Variants in LSAMP observed in about 807,000 individuals in gnomAD.
LSAMP encodes the protein limbic system associated membrane protein, also known as limbic system-associated membrane protein.
In LSAMP, 7 loss-of-function variants were observed where a neutral mutation model predicts 38.6. The observed-to-expected ratio is 0.18, with a 90% CI of 0.10 to 0.34. The LOEUF is 0.34. Among genes scored for constraint, LSAMP ranks in the 10% least tolerant of loss-of-function variants. LSAMP has a pLI of 1.00. For synonymous variants in LSAMP, 154 were observed against 166.8 expected (o/e 0.92, Z 0.59); for missense variants, 313 against 420.0 (o/e 0.75, Z 2.23).
intron 1 of LSAMP, among the ~76,000 whole-genome samples, chr3:116,317,152 C>A (rs1318796136): frequency 1.3e-5 from 2 of 152,094 alleles, no homozygotes; most frequent in East Asian, 1.9e-4. Flanking sequence ...CCACTCGAGT[C>A]CCCTTCCACG....
intron 6 of LSAMP, among the ~76,000 whole-genome samples, chr3:115,810,976 A>G (rs192028394): frequency 1.3e-5 from 2 of 152,352 alleles, no homozygotes; most frequent in Admixed American, 1.3e-4. Flanking sequence ...TTAGCAAGGG[A>G]GAAAATAAGT....
chr3:116,270,788 C>T (rs1418066794), intron 1 of LSAMP, among the ~76,000 whole-genome samples: 3 of 152,014 alleles, frequency 2.0e-5, no homozygotes, highest in African/African-American at 7.2e-5. Flanking sequence ...TCAAAGTAAA[C>T]CCAGGTTCTG....
At chr3:115,885,878 A>G (rs1456197206) in intron 3 of LSAMP, among the ~76,000 whole-genome samples, 1 of 151,952 alleles carries the variant, frequency 6.6e-6, no homozygotes, top group Non-Finnish European at 1.5e-5. Flanking sequence ...CCAAAACTAC[A>G]AAGTGAGTAC....
At chr3:116,315,065 A>T (rs536781829) in intron 1 of LSAMP, among the ~76,000 whole-genome samples, 1 of 152,296 alleles carries the variant, frequency 6.6e-6, no homozygotes, top group Non-Finnish European at 1.5e-5. Flanking sequence ...ATACTACAGG[A>T]TCATTACCTA....
intron 6 of LSAMP, among the ~76,000 whole-genome samples, chr3:115,822,953 G>A (rs184553229): frequency 1.6e-4 from 25 of 152,300 alleles, no homozygotes; most frequent in Admixed American, 1.4e-3. Context: ...TGCAGCCCTA[G>A]ACAGATGGTG....
chr3:116,315,994 G>A (rs899468713), intron 1 of LSAMP, among the ~76,000 whole-genome samples: 6 of 152,042 alleles, frequency 3.9e-5, no homozygotes, highest in Admixed American at 3.9e-4. Flanking sequence ...AAAAAGAGGG[G>A]GATTAAAACA....
At chr3:116,239,725 G>C (rs2046507985) in intron 1 of LSAMP, among the ~76,000 whole-genome samples, 1 of 152,050 alleles carries the variant, frequency 6.6e-6, no homozygotes, top group African/African-American at 2.4e-5. Flanking sequence ...CCATTAGTCA[G>C]GAAGTCTGTT....
chr3:116,358,460 C>T (rs1056663522), intron 1 of LSAMP, among the ~76,000 whole-genome samples: 3 of 152,068 alleles, frequency 2.0e-5, no homozygotes, highest in East Asian at 3.9e-4. Context: ...ACCTCAGATG[C>T]GAATGCATAC....
intron 1 of LSAMP, among the ~76,000 whole-genome samples, chr3:116,106,077 T>C (rs1372516547): frequency 6.6e-6 from 1 of 151,968 alleles, no homozygotes; most frequent in African/African-American, 2.4e-5. Context: ...AGAAACTAAA[T>C]GGAATAAGAG....
At chr3:116,234,574 T>A (rs191025131) in intron 1 of LSAMP, among the ~76,000 whole-genome samples, 5 of 152,040 alleles carry the variant, frequency 3.3e-5, no homozygotes, top group African/African-American at 1.2e-4. Flanking sequence ...AAAATTAACA[T>A]CAAAGCTGAC....
chr3:116,174,795 A>G (rs1344012520), intron 1 of LSAMP, among the ~76,000 whole-genome samples: 1 of 152,038 alleles, frequency 6.6e-6, no homozygotes, highest in African/African-American at 2.4e-5. Context: ...CTACCACATC[A>G]TATACAAACT....
chr3:115,830,951 C>A (rs1276253573), intron 6 of LSAMP, among the ~76,000 whole-genome samples: 1 of 152,172 alleles, frequency 6.6e-6, no homozygotes, highest in Non-Finnish European at 1.5e-5. Context: ...AGAAAACATG[C>A]CAGGACGACT....
intron 3 of LSAMP, among the ~76,000 whole-genome samples, chr3:115,958,706 T>C (rs551523606): frequency 2.0e-5 from 3 of 152,288 alleles, no homozygotes; most frequent in Non-Finnish European, 2.9e-5. Flanking sequence ...CTTGAACATA[T>C]GGCAGAGAGG....
intron 1 of LSAMP, among the ~76,000 whole-genome samples, chr3:116,227,841 T>C (rs748327263): frequency 6.6e-6 from 1 of 152,144 alleles, no homozygotes; most frequent in Admixed American, 6.5e-5. Flanking sequence ...AGTGACACAA[T>C]AACTGATTTT....
In LSAMP at chr3:115,962,388, C is replaced by A. The variant is rs116387212; in HGVS notation, c.514+57127G>T. ...TGGAAGAGGAACATTTTCTTCATGT[C>A]TTTTATTATACAATTTGAGATAATT... On this transcript the variant is annotated intron_variant, in intron 3 of 6. Transcript: ENST00000490035. Among the ~76,000 whole-genome samples the A allele has an allele frequency of 7.3e-3, 1,118 of 152,254 alleles. 9 individuals are homozygous for A. Among genetic ancestry groups the A allele is most frequent in the Non-Finnish European group, 0.012 (827 of 68,020 alleles).
Position 116,007,004 on chromosome 3 carries a change from C to T in LSAMP, c.514+12511G>A, listed in dbSNP as rs999679850. ...GCCAAAAAAATTAAAGAAAAAAAGA[C>T]TGATGTCATTCAAAGAGTGACATTT... On this transcript the variant is annotated intron_variant, in intron 3 of 6. Transcript: ENST00000490035. Among the ~76,000 whole-genome samples, 15 of 152,172 alleles carry T rather than the reference C, an allele frequency of 9.9e-5. 1 individual carries two copies.
chr3:116,220,350 GACACACACACACACACACACAC>G (rs10575234), intron 1 of LSAMP, among the ~76,000 whole-genome samples: 5 of 138,592 alleles, frequency 3.6e-5, no homozygotes, highest in East Asian at 2.1e-4. Flanking sequence ...ATTTGCATAT[GACACACACACACACACACACAC>G]ACACACACAC....
intron 1 of LSAMP, among the ~76,000 whole-genome samples, chr3:116,339,087 C>T (rs2047957535): frequency 6.6e-6 from 1 of 151,938 alleles, no homozygotes; most frequent in Admixed American, 6.6e-5. Context: ...GGTGCCTTTC[C>T]TAGGCAGAGG....
intron 1 of LSAMP, among the ~76,000 whole-genome samples, chr3:116,418,587 C>G (rs2049082164): frequency 6.6e-6 from 1 of 151,974 alleles, no homozygotes; most frequent in Admixed American, 6.6e-5. Flanking sequence ...CTGGATGATC[C>G]CCTGCTGCAA....
Sources: allele counts gnomAD v4.1 joint callset (sites outside exome capture counted in the v4.1 genomes callset), GRCh38; gene constraint gnomAD v4.1.1; transcripts MANE v1.5; gene names NCBI Gene and HGNC (gene_info 2026-07-23, HGNC 2026-07-21).